The following AKAP13 variants were observed in gnomAD, a reference collection of about 807,000 sequenced individuals.
AKAP13 encodes A-kinase anchor protein 13.
Under a neutral mutation model 264.5 loss-of-function variants are expected in AKAP13, and 80 were observed. That is an observed-to-expected ratio of 0.30 (90% CI 0.25 to 0.36). The LOEUF (loss-of-function observed/expected upper bound fraction) is 0.36. Among genes scored for constraint, AKAP13 ranks in the 10% least tolerant of loss-of-function variants. AKAP13 has a pLI of 1.00. For synonymous variants in AKAP13, 1,380 were observed against 1,250.2 expected (o/e 1.10, Z -2.19); for missense variants, 3,712 against 3,435.2 (o/e 1.08, Z -2.01).
chr15:85,554,254 A>G (rs1431359776), intron 5 of AKAP13, among the ~76,000 whole-genome samples: 1 of 152,196 alleles, frequency 6.6e-6, no homozygotes, highest in African/African-American at 2.4e-5. Context: ...ATAGGGAAAA[A>G]TAATATGTAC....
Position 85,747,996 on chromosome 15 carries a change from T to TGA in AKAP13, c.*3320_*3321dup, listed in dbSNP as rs1446710898. The TGA allele has an allele frequency of 2.6e-5, 4 of 152,512 alleles. No homozygotes were observed. Among genetic ancestry groups the TGA allele is most frequent in the Non-Finnish European group, 5.9e-5 (4 of 68,050 alleles). The allele number at this position is 152,512 out of a possible 1,614,324, so 9.4% of individuals were successfully genotyped here. A position where few individuals can be genotyped will look rare whatever the true frequency, so the allele number is the denominator to read the frequency against. On this transcript the variant is annotated 3_prime_UTR_variant, in exon 37 of 37. Transcript: ENST00000394518. ...GGGAGGTGTTAGTGCATGCAAGGGT[T>TGA]GAACTAGATAGACCCTGCCTTAGTA...
chr15:85,498,294 T>C (rs1253725109), intron 2 of AKAP13, among the ~76,000 whole-genome samples: 2 of 151,188 alleles, frequency 1.3e-5, no homozygotes. Flanking sequence ...GTACCCCCGT[T>C]ATTTTGACAT....
chr15:85,520,544 C>A, intron 2 of AKAP13: 1 of 374,374 alleles, frequency 2.7e-6, no homozygotes, highest in Non-Finnish European at 5.3e-6. Context: ...ACAAAGATGT[C>A]TTACCTTCTA....
intron 5 of AKAP13, among the ~76,000 whole-genome samples, chr15:85,546,372 A>G: frequency 6.6e-6 from 1 of 150,684 alleles, no homozygotes; most frequent in East Asian, 1.9e-4. Context: ...CCAAAAGTGT[A>G]AACAACCTAG....
intron 3 of AKAP13, among the ~76,000 whole-genome samples, chr15:85,528,394 G>A (rs2077148493): frequency 1.3e-5 from 2 of 152,190 alleles, no homozygotes; most frequent in African/African-American, 4.8e-5. Flanking sequence ...TGCTGGAGAA[G>A]CTCTTTGTAG....
At chr15:85,653,817 T>A (rs866047853) in intron 10 of AKAP13, among the ~76,000 whole-genome samples, 56 of 152,332 alleles carry the variant, frequency 3.7e-4, no homozygotes, top group Admixed American at 2.6e-4. Flanking sequence ...TAAGACAGTG[T>A]CCACATCTTA....
At chr15:85,555,896 T>C (rs2078126326) in intron 5 of AKAP13, among the ~76,000 whole-genome samples, 1 of 152,254 alleles carries the variant, frequency 6.6e-6, no homozygotes, top group African/African-American at 2.4e-5. Flanking sequence ...ATTTGTGTTA[T>C]TTTGCATTTG....
intron 34 of AKAP13, among the ~76,000 whole-genome samples, chr15:85,740,771 A>AC (rs2088905517): frequency 2.0e-4 from 11 of 56,300 alleles, no homozygotes; most frequent in African/African-American, 5.2e-4. Context: ...ACACACACAC[A>AC]ACCACCCCCC....
At chr15:85,478,343 A>G (rs980836627) in intron 1 of AKAP13, among the ~76,000 whole-genome samples, 1 of 111,506 alleles carries the variant, frequency 9.0e-6, no homozygotes, top group Non-Finnish European at 2.2e-5. Context: ...ACTCTCCTAC[A>G]CAACTTTCAA....
In AKAP13 at chr15:85,727,609, A is replaced by G; in HGVS notation, c.7087+146A>G. 1.3e-6 allele frequency: 1 copy of G among 783,404 alleles called. No individual in the cohort carries two copies. Among genetic ancestry groups the G allele is most frequent in the South Asian group, 1.8e-5 (1 of 55,060 alleles). 48.5% of individuals were successfully genotyped at this position (783,404 alleles called of 1,614,324 possible). On this transcript the variant is annotated intron_variant, in intron 29 of 36. Transcript: ENST00000394518. This position sits in a 1 kb window ranked among gnomAD's most constrained non-coding sequence, Gnocchi z 5.3. ...GAAAGCAGCAAAATGAATAGCTGTT[A>G]ACAAAAGAGAAACCAAGGCCAGGCT...
Position 85,585,423 on chromosome 15 carries a change from A to G in AKAP13, c.4040-279A>G, listed in dbSNP as rs1476651538. Among the ~76,000 whole-genome samples, 6 of 152,348 alleles carry G rather than the reference A, an allele frequency of 3.9e-5. No homozygotes were observed. The South Asian group carries it at 1.0e-3, about 26-fold the overall frequency. ...TTGGTGCTACACTCAGATTTGTCATAAAAAGTCAATAGTGAAATGGATGTT... is the reference window on the plus strand; with the variant it reads ...TTGGTGCTACACTCAGATTTGTCATGAAAAGTCAATAGTGAAATGGATGTT... On this transcript the variant is annotated intron_variant, in intron 7 of 36. Coordinates refer to ENST00000394518, the MANE Select transcript of AKAP13 (RefSeq NM_007200.5).
chr15:85,664,335 A>G (rs571286793), intron 12 of AKAP13, among the ~76,000 whole-genome samples: 41 of 152,344 alleles, frequency 2.7e-4, no homozygotes, highest in African/African-American at 9.1e-4. Flanking sequence ...ACATTTGGAT[A>G]AATTTAATGC....
At position 85,635,648 on chromosome 15, in the gene AKAP13, G is replaced by A. The variant is rs2082039795; in HGVS notation, c.4162-3726G>A. 2.0e-5 allele frequency among the ~76,000 whole-genome samples: 3 copies of A among 151,986 alleles called. No individual in the cohort carries two copies. In the South Asian group the frequency reaches 6.2e-4, roughly 31 times the overall value. ...TTGTGTAACCGAAGTTCCCATAAAA[G>A]TGTTTCCCTCTGTCTTCTTTAGGAG... On this transcript the variant is annotated intron_variant, in intron 8 of 36. Transcript: ENST00000394518.
chr15:85,692,062 G>C (rs1478567311), intron 16 of AKAP13, among the ~76,000 whole-genome samples: 1 of 152,018 alleles, frequency 6.6e-6, no homozygotes, highest in Non-Finnish European at 1.5e-5. Flanking sequence ...GGTGGTTTTT[G>C]AGAAAAATTA....
At chr15:85,524,439 G>C (rs566936035) in intron 3 of AKAP13, among the ~76,000 whole-genome samples, 1 of 151,984 alleles carries the variant, frequency 6.6e-6, no homozygotes, top group South Asian at 2.1e-4. Flanking sequence ...CTCCCAAAGT[G>C]CTGGGATTAC....
chr15:85,384,438 C>T (rs181353256), intron 1 of AKAP13, among the ~76,000 whole-genome samples: 108 of 152,292 alleles, frequency 7.1e-4, no homozygotes, highest in African/African-American at 2.5e-3. Context: ...GTTTCATAGC[C>T]TGGCGCAGTG....
In AKAP13 at chr15:85,584,831, C is replaced by T. The variant is rs959124931; in HGVS notation, c.4040-871C>T. Among the ~76,000 whole-genome samples, 3 of 152,174 alleles carry T rather than the reference C, an allele frequency of 2.0e-5. No homozygotes were observed. The South Asian group carries it at 6.2e-4, about 32-fold the overall frequency. ...AGTGGCATCACTAGGTTAATAACCA[C>T]AGATGCATTTCCACATGAAATCGAG... On this transcript the variant is annotated intron_variant, in intron 7 of 36. Transcript: ENST00000394518.
intron 2 of AKAP13, among the ~76,000 whole-genome samples, chr15:85,494,702 G>T (rs1378914808): frequency 2.6e-5 from 4 of 152,218 alleles, no homozygotes; most frequent in Admixed American, 1.3e-4. Flanking sequence ...GTTGCCTGCA[G>T]TTTCACAGCA....
intron 1 of AKAP13, among the ~76,000 whole-genome samples, chr15:85,461,754 T>G (rs2074527277): frequency 6.6e-6 from 1 of 152,174 alleles, no homozygotes; most frequent in Admixed American, 6.5e-5. Flanking sequence ...CATTTGCACA[T>G]GACAGTTTAA....
Sources: allele counts gnomAD v4.1 joint callset (sites outside exome capture counted in the v4.1 genomes callset), GRCh38; gene constraint gnomAD v4.1.1; non-coding constraint Gnocchi (gnomAD v3.1); transcripts MANE v1.5; gene names NCBI Gene and HGNC (gene_info 2026-07-23, HGNC 2026-07-21).